TBC1D14: variants seen among roughly 807,000 people sequenced by gnomAD.
The protein encoded by TBC1D14 is TBC1 domain family, member 14.
TBC1D14 carries 26 observed loss-of-function variants against 79.0 expected under a neutral mutation model. The ratio of observed to expected loss-of-function variants is 0.33; its 90% CI spans 0.24 to 0.46. TBC1D14 has a LOEUF of 0.46. TBC1D14 is among the 20% of genes least tolerant of loss of function. The pLI is 1.00. For missense variants in TBC1D14, 769 were observed against 887.6 expected, an observed-to-expected ratio of 0.87 and a Z score of 1.70; for synonymous variants, 394 against 349.9, an observed-to-expected ratio of 1.13 and a Z score of -1.40.
At position 6,912,164 on chromosome 4, in the gene TBC1D14, G is replaced by A. The variant is rs1041453265; in HGVS notation, c.-18+2213G>A. On this transcript the variant is annotated intron_variant, in intron 1 of 13. Transcript: ENST00000409757. ...CCAGCACTTTGGGAGGCTGAGGTGG[G>A]TGGATCACAAGGTCAGGAGATTGAG... Among the ~76,000 whole-genome samples, 8 of 152,258 alleles carry A rather than the reference G, an allele frequency of 5.3e-5. No individual in the cohort carries two copies. The East Asian group carries it at 5.8e-4, about 11-fold the overall frequency.
chr4:7,030,205 G>C (rs1181910754), intron 13 of TBC1D14, 122 bp from the exon 14 acceptor site: 5 of 840,544 alleles, frequency 5.9e-6, no homozygotes, highest in Non-Finnish European at 1.0e-5. Flanking sequence ...TGGAGGGTTG[G>C]AGGCAGTGGA....
chr4:7,023,304 G>T (rs530766665), intron 12 of TBC1D14, among the ~76,000 whole-genome samples: 1 of 152,202 alleles, frequency 6.6e-6, no homozygotes, highest in East Asian at 1.9e-4. Context: ...TTCCCCATCC[G>T]TTTTTTTCTC....
chr4:6,929,925 C>A (rs1711574801), intron 2 of TBC1D14, among the ~76,000 whole-genome samples: 1 of 152,248 alleles, frequency 6.6e-6, no homozygotes, highest in Non-Finnish European at 1.5e-5. Flanking sequence ...ACTGCACAGA[C>A]TGCAGAGCTG....
intron 2 of TBC1D14, among the ~76,000 whole-genome samples, chr4:6,951,531 A>G (rs930363479): frequency 2.6e-5 from 4 of 152,166 alleles, no homozygotes; most frequent in African/African-American, 7.2e-5. Flanking sequence ...AAAGGTAATA[A>G]AACACTTTCA....
At chr4:7,027,777 A>G (rs1722592669) in intron 13 of TBC1D14, among the ~76,000 whole-genome samples, 2 of 131,088 alleles carry the variant, frequency 1.5e-5, no homozygotes, top group African/African-American at 2.9e-5. Flanking sequence ...CACATCACAC[A>G]TCCATACACA....
intron 5 of TBC1D14, chr4:6,998,697 C>G (rs562237577): frequency 5.2e-6 from 1 of 190,676 alleles, no homozygotes; most frequent in African/African-American, 2.4e-5. Flanking sequence ...TGCCATCATG[C>G]CCAGCTAATT....
chr4:7,023,565 G>C (rs1722036203), intron 12 of TBC1D14, among the ~76,000 whole-genome samples: 1 of 152,222 alleles, frequency 6.6e-6, no homozygotes, highest in Admixed American at 6.5e-5. Context: ...AGAAGCTCGG[G>C]CTGAAGGCTT....
At chr4:6,938,888 G>T (rs1289629934) in intron 2 of TBC1D14, among the ~76,000 whole-genome samples, 1 of 152,230 alleles carries the variant, frequency 6.6e-6, no homozygotes, top group African/African-American at 2.4e-5. Context: ...CTCCCCTGCA[G>T]CCGCACTCTG....
intron 7 of TBC1D14, among the ~76,000 whole-genome samples, chr4:7,004,440 T>G (rs1055117720): frequency 1.4e-4 from 21 of 152,228 alleles, no homozygotes; most frequent in Non-Finnish European, 2.8e-4. Context: ...CCTCGGTCAT[T>G]GAGACATTCC....
chr4:7,010,902 A>G (rs1233648133), intron 11 of TBC1D14, 121 bp downstream of exon 11: 8 of 1,247,302 alleles, frequency 6.4e-6, no homozygotes, highest in South Asian at 3.0e-5. Flanking sequence ...AGATGTTTAG[A>G]GTAAGCAGCA....
chr4:6,927,872 A>G (rs1212187306), intron 2 of TBC1D14, among the ~76,000 whole-genome samples: 1 of 152,174 alleles, frequency 6.6e-6, no homozygotes, highest in Non-Finnish European at 1.5e-5. Flanking sequence ...TTTGAGGACG[A>G]TTTTCATTTG....
intron 2 of TBC1D14, among the ~76,000 whole-genome samples, chr4:6,927,343 G>T (rs1724371015): frequency 1.3e-5 from 2 of 152,114 alleles, no homozygotes; most frequent in Admixed American, 6.6e-5. Flanking sequence ...AGGAGTTCAT[G>T]CTGGCTGGGT....
At chr4:6,928,819 G>A (rs1333066954) in intron 2 of TBC1D14, among the ~76,000 whole-genome samples, 1 of 152,216 alleles carries the variant, frequency 6.6e-6, no homozygotes, top group Non-Finnish European at 1.5e-5. Flanking sequence ...ATAGGAACAA[G>A]TTCATGCTTC....
At chr4:7,027,011 G>A (rs1425035530) in intron 13 of TBC1D14, among the ~76,000 whole-genome samples, 2 of 152,158 alleles carry the variant, frequency 1.3e-5, no homozygotes, top group African/African-American at 4.8e-5. Context: ...AGGAGTTCAA[G>A]ACAAGCCTGG....
intron 2 of TBC1D14, among the ~76,000 whole-genome samples, chr4:6,929,924 A>G (rs779663782): frequency 1.5e-4 from 23 of 152,216 alleles, no homozygotes; most frequent in Admixed American, 4.6e-4. Context: ...AACTGCACAG[A>G]CTGCAGAGCT....
intron 13 of TBC1D14, among the ~76,000 whole-genome samples, chr4:7,028,498 C>T (rs1442506922): frequency 6.6e-6 from 1 of 151,588 alleles, no homozygotes; most frequent in Non-Finnish European, 1.5e-5. Context: ...GCAATCTTGG[C>T]TCACTGCAAC....
intron 3 of TBC1D14, 124 bp downstream of exon 3, chr4:6,967,548 C>A: frequency 8.0e-7 from 1 of 1,251,984 alleles, no homozygotes; most frequent in South Asian, 1.5e-5. Context: ...CTGCATACCA[C>A]GTTCCTCAGA....
intron 1 of TBC1D14, among the ~76,000 whole-genome samples, chr4:6,914,202 C>T (rs942720338): frequency 6.6e-5 from 10 of 151,988 alleles, no homozygotes; most frequent in Admixed American, 2.0e-4. Context: ...GTTAAGTGTC[C>T]GCTTCTTCGG....
intron 12 of TBC1D14, among the ~76,000 whole-genome samples, chr4:7,018,726 G>A (rs1037613754): frequency 6.6e-6 from 1 of 152,252 alleles, no homozygotes; most frequent in Admixed American, 6.5e-5. Flanking sequence ...TCCCGATGAG[G>A]CATGTGGATC....
Sources: gnomAD v4.1 joint callset for allele counts (sites outside exome capture counted in the v4.1 genomes callset) on GRCh38, gnomAD v4.1.1 for gene constraint, MANE v1.5 for transcripts, NCBI Gene and HGNC (gene_info 2026-07-23, HGNC 2026-07-21) for gene names.